The following GPHN variants were observed in gnomAD, a reference collection of about 807,000 sequenced individuals.
The protein encoded by GPHN is gephyrin.
In GPHN, 17 loss-of-function variants were observed where a neutral mutation model predicts 95.5. The ratio of observed to expected loss-of-function variants is 0.18; its 90% CI spans 0.12 to 0.27. The LOEUF is 0.27. Among genes scored for constraint, GPHN ranks in the 10% least tolerant of loss-of-function variants. GPHN has a pLI of 1.00. For synonymous variants in GPHN, 320 were observed against 322.5 expected (o/e 0.99, Z 0.08); for missense variants, 660 against 978.1 (o/e 0.67, Z 4.34).
the GPHN span, among the ~76,000 whole-genome samples, chr14:67,389,672 T>C: frequency 2.0e-5 from 3 of 152,092 alleles, no homozygotes; most frequent in Admixed American, 6.5e-5. Flanking sequence ...TTTCTCAGTT[T>C]CCTATTTTAA....
At chr14:67,628,552 T>C in the GPHN span, among the ~76,000 whole-genome samples, 1 of 152,234 alleles carries the variant, frequency 6.6e-6, no homozygotes, top group African/African-American at 2.4e-5. Context: ...GCAAAGATTT[T>C]AACTTAATAC....
chr14:66,849,766 T>C (rs1448702843), intron 4 of GPHN, among the ~76,000 whole-genome samples: 3 of 152,090 alleles, frequency 2.0e-5, no homozygotes, highest in Non-Finnish European at 2.9e-5. Flanking sequence ...TAAATACTGA[T>C]TGTAACCACA....
intron 3 of GPHN, among the ~76,000 whole-genome samples, chr14:66,815,550 T>C (rs1288136675): frequency 6.6e-6 from 1 of 152,110 alleles, no homozygotes; most frequent in Non-Finnish European, 1.5e-5. Context: ...GAATTTCATA[T>C]CCATCCAAAC....
chr14:66,696,033 G>T (rs1407078443), intron 2 of GPHN, among the ~76,000 whole-genome samples: 3 of 152,162 alleles, frequency 2.0e-5, no homozygotes, highest in Admixed American at 2.0e-4. Flanking sequence ...GTCAGTGGAG[G>T]TTTATCAGTG....
At position 66,974,578 on chromosome 14, in the gene GPHN, A is replaced by AT. The variant is rs1333553272; in HGVS notation, c.963+9255dup. Among the ~76,000 whole-genome samples the AT allele has an allele frequency of 4.6e-5, 7 of 152,270 alleles. No individual in the cohort carries two copies. The East Asian group carries it at 1.3e-3, about 29-fold the overall frequency. ...CAAACCAAAAATTGCTAACTGTAGA[A>AT]TTAACATTTTATAGCTAAGACAGAC... On this transcript the variant is annotated intron_variant, in intron 9 of 22. Transcript: ENST00000478722.
chr14:66,729,296 A>G (rs2071543787), intron 2 of GPHN, among the ~76,000 whole-genome samples: 1 of 152,206 alleles, frequency 6.6e-6, no homozygotes, highest in Non-Finnish European at 1.5e-5. Flanking sequence ...GTATGCATAT[A>G]TTCCAAAATC....
chr14:67,596,197 C>T, the GPHN span, among the ~76,000 whole-genome samples: 2 of 150,946 alleles, frequency 1.3e-5, no homozygotes, highest in African/African-American at 2.4e-5. Flanking sequence ...GGTGTGATCT[C>T]GGTTCACTGC....
intron 18 of GPHN, among the ~76,000 whole-genome samples, chr14:67,156,808 C>T (rs2081613412): frequency 6.6e-6 from 1 of 151,810 alleles, no homozygotes; most frequent in South Asian, 2.1e-4. Context: ...GAAACCTCGT[C>T]TCTATACAAA....
chr14:67,315,363 G>A, the GPHN span, among the ~76,000 whole-genome samples: 22 of 133,034 alleles, frequency 1.7e-4, no homozygotes, highest in Non-Finnish European at 2.9e-4. Context: ...TGCAAGCTCC[G>A]CCTCCCGGGC....
chr14:66,705,359 C>CA (rs2068977459), intron 2 of GPHN, among the ~76,000 whole-genome samples: 2 of 133,642 alleles, frequency 1.5e-5, no homozygotes, highest in South Asian at 2.4e-4. Context: ...AGAGACACAA[C>CA]AAAAAAAGAA....
intron 1 of GPHN, among the ~76,000 whole-genome samples, chr14:66,656,062 GTT>G (rs2065288934): frequency 6.6e-6 from 1 of 151,958 alleles, no homozygotes; most frequent in South Asian, 2.1e-4. Context: ...TTTGGGTTTT[GTT>G]TTATTATACT....
At chr14:67,212,682 AAATG>A in the GPHN span, among the ~76,000 whole-genome samples, 4 of 134,776 alleles carry the variant, frequency 3.0e-5, no homozygotes, top group Non-Finnish European at 5.0e-5. Context: ...ACATACAAAT[AAATG>A]TATACACAAA....
the GPHN span, among the ~76,000 whole-genome samples, chr14:67,435,995 A>G: frequency 6.6e-6 from 1 of 152,246 alleles, no homozygotes; most frequent in South Asian, 2.1e-4. Flanking sequence ...GTCTGATGGG[A>G]TGTGTTGCTA....
chr14:67,568,582 G>A, the GPHN span, among the ~76,000 whole-genome samples: 39 of 151,932 alleles, frequency 2.6e-4, no homozygotes, highest in East Asian at 3.5e-3. Context: ...TCTTGCATAC[G>A]TACCCTGGAA....
At chr14:66,991,151 T>G (rs72730433) in intron 9 of GPHN, among the ~76,000 whole-genome samples, 6,611 of 152,130 alleles carry the variant, frequency 0.043, 191 homozygotes, top group Middle Eastern at 0.068. Flanking sequence ...AGATTATTGA[T>G]TTTTAACTTA....
At chr14:67,378,414 G>A in the GPHN span, among the ~76,000 whole-genome samples, 3 of 149,860 alleles carry the variant, frequency 2.0e-5, no homozygotes, top group East Asian at 5.9e-4. Context: ...AACAACCTGT[G>A]GTATAAATGC....
At chr14:67,602,584 A>G in the GPHN span, among the ~76,000 whole-genome samples, 2 of 152,234 alleles carry the variant, frequency 1.3e-5, no homozygotes, top group Non-Finnish European at 2.9e-5. Context: ...GGAAGCCTGT[A>G]GTCCTGGAGT....
chr14:67,653,490 GTTTA>G, the GPHN span: 2 of 1,613,712 alleles, frequency 1.2e-6, no homozygotes, highest in Non-Finnish European at 1.7e-6. Context: ...TTTCACTTGT[GTTTA>G]CCAGCTGAGA....
chr14:67,431,402 A>C, the GPHN span, among the ~76,000 whole-genome samples: 18 of 148,118 alleles, frequency 1.2e-4, 1 homozygote, highest in Non-Finnish European at 1.9e-4. Flanking sequence ...AAAAAAAAAA[A>C]AAAAAAAAAA....
Sources: gnomAD v4.1 joint callset for allele counts (sites outside exome capture counted in the v4.1 genomes callset) on GRCh38, gnomAD v4.1.1 for gene constraint, MANE v1.5 for transcripts, NCBI Gene and HGNC (gene_info 2026-07-23, HGNC 2026-07-21) for gene names.